Variants in GTF2IRD1 observed in about 807,000 individuals in gnomAD.
GTF2IRD1 encodes general transcription factor II-I repeat domain-containing protein 1.
Under a neutral mutation model 113.2 loss-of-function variants are expected in GTF2IRD1, and 26 were observed. The ratio of observed to expected loss-of-function variants is 0.23; its 90% CI spans 0.17 to 0.32. The LOEUF (loss-of-function observed/expected upper bound fraction) is 0.32. Among genes scored for constraint, GTF2IRD1 ranks in the 10% least tolerant of loss-of-function variants. The probability of loss-of-function intolerance (pLI) is 1.00; values close to 1 mark genes in which losing one functional copy is unlikely to be tolerated. For synonymous variants in GTF2IRD1, 484 were observed against 529.1 expected, an observed-to-expected ratio of 0.91 and a Z score of 1.17; for missense variants, 864 against 1,280.8, an observed-to-expected ratio of 0.67 and a Z score of 4.97.
intron 1 of GTF2IRD1, among the ~76,000 whole-genome samples, chr7:74,496,254 ATG>A (rs782301241): frequency 2.5e-5 from 3 of 122,010 alleles, no homozygotes; most frequent in Non-Finnish European, 3.4e-5. Flanking sequence ...GTGTCTGCAT[ATG>A]TGTGTATGCA....
intron 1 of GTF2IRD1, among the ~76,000 whole-genome samples, chr7:74,470,838 C>T (rs1173528792): frequency 1.3e-5 from 2 of 152,080 alleles, no homozygotes; most frequent in African/African-American, 2.4e-5. Context: ...GAGCCTTGCT[C>T]TCTTGCCCAG....
intron 1 of GTF2IRD1, among the ~76,000 whole-genome samples, chr7:74,495,109 G>A (rs2129680056): frequency 6.6e-6 from 1 of 152,356 alleles, no homozygotes; most frequent in East Asian, 1.9e-4. Flanking sequence ...AGAGAAGAGG[G>A]CCCTGGGGCC....
intron 4 of GTF2IRD1, among the ~76,000 whole-genome samples, chr7:74,516,335 T>A (rs1562824473): frequency 1.3e-5 from 2 of 152,368 alleles, no homozygotes; most frequent in East Asian, 3.9e-4. Context: ...TCTAGCTGTC[T>A]CCAGCCTACA....
At chr7:74,553,038 A>G (rs1431340439) in intron 17 of GTF2IRD1, among the ~76,000 whole-genome samples, 4 of 152,092 alleles carry the variant, frequency 2.6e-5, no homozygotes, top group Non-Finnish European at 4.4e-5. Context: ...GTGTTTCACC[A>G]TGTTGGTCAG....
At chr7:74,549,792 T>C (rs1349847696) in intron 17 of GTF2IRD1, among the ~76,000 whole-genome samples, 4 of 152,060 alleles carry the variant, frequency 2.6e-5, no homozygotes, top group African/African-American at 9.7e-5. Flanking sequence ...TCCCAGCACT[T>C]TGAAAGGCCG....
Position 74,569,427 on chromosome 7 carries a change from G to C in GTF2IRD1, c.2320+9772G>C, listed in dbSNP as rs74325524. Among the ~76,000 whole-genome samples, 311 of 152,312 alleles carry C rather than the reference G, an allele frequency of 2.0e-3. 3 individuals are homozygous for C. The highest frequency in any genetic ancestry group is 6.5e-3 in the African/African-American group (270 of 41,562). Reference sequence around the variant, plus strand: ...CCAAAGCCACTCCCTGGTCTATGCTGTTCTGCGGCCTGAGCCTGGGGTGGC... The same window carrying C: ...CCAAAGCCACTCCCTGGTCTATGCTCTTCTGCGGCCTGAGCCTGGGGTGGC... On this transcript the variant is annotated intron_variant, in intron 22 of 26. Coordinates refer to ENST00000424337, the MANE Select transcript of GTF2IRD1 (RefSeq NM_005685.4).
Position 74,576,181 on chromosome 7 carries a change from A to G in GTF2IRD1, c.2321-13670A>G, listed in dbSNP as rs1801047878. 2.0e-5 allele frequency among the ~76,000 whole-genome samples: 3 copies of G among 151,940 alleles called. No homozygotes were observed. The South Asian group carries it at 6.2e-4, about 32-fold the overall frequency. Reference sequence around the variant, plus strand: ...TCTCAAAAAAATAAATAAATTACCTAAACGTAGTGGCTTCAAACAACACAA... The same window carrying G: ...TCTCAAAAAAATAAATAAATTACCTGAACGTAGTGGCTTCAAACAACACAA... On this transcript the variant is annotated intron_variant, in intron 22 of 26. Transcript: ENST00000424337.
At chr7:74,514,042 G>A (rs1398114433) in intron 3 of GTF2IRD1, among the ~76,000 whole-genome samples, 1 of 152,064 alleles carries the variant, frequency 6.6e-6, no homozygotes, top group Non-Finnish European at 1.5e-5. Flanking sequence ...GAGGTTAAGA[G>A]AACGGGCCGC....
chr7:74,544,778 C>A lies in GTF2IRD1; in HGVS notation c.1642C>A (p.Arg548=), dbSNP rs1360503761. 1.2e-6 allele frequency: 2 copies of A among 1,613,940 alleles called. No homozygotes were observed. Among genetic ancestry groups the A allele is most frequent in the Non-Finnish European group, 1.7e-6 (2 of 1,179,908 alleles). The change falls in exon 15 of 27, where the codon CGG becomes AGG. Residue 548 remains arginine (R), a synonymous_variant. Coordinates refer to ENST00000424337, the MANE Select transcript of GTF2IRD1 (RefSeq NM_005685.4). ...LTDKGLSEDA[R]PEERPVEDSH... ...AGACAAAGGTCTGAGTGAGGACGCG[C>A]GGCCCGAGGAGAGGCCCGTGGAGGG...
chr7:74,542,074 T>G, intron 14 of GTF2IRD1, among the ~76,000 whole-genome samples: 1 of 142,742 alleles, frequency 7.0e-6, no homozygotes, highest in East Asian at 2.1e-4. Flanking sequence ...CCAGTCTGGG[T>G]GCCACAGCAA....
At chr7:74,582,199 C>T (rs782073945) in intron 22 of GTF2IRD1, among the ~76,000 whole-genome samples, 1 of 152,156 alleles carries the variant, frequency 6.6e-6, no homozygotes, top group East Asian at 1.9e-4. Flanking sequence ...CTGTTCAGAT[C>T]GAGACGTTGC....
chr7:74,555,185 T>A lies in GTF2IRD1; in HGVS notation c.1928T>A (p.Leu643His). The change falls in exon 18 of 27, where the codon CTC (leucine) becomes CAC (histidine). Residue 643 changes from leucine to histidine, a missense_variant. Coordinates refer to ENST00000424337, the MANE Select transcript of GTF2IRD1 (RefSeq NM_005685.4). The surrounding 1 kb of genome is among the most constrained non-coding windows in gnomAD (Gnocchi z 5.3). ...CTTGTGTTTTCCAGGCCCGAGCTGC[T>A]CACTGAGGGAGTCAAAGAGCCCATC... ...IQFVIKRPEL[L>H]TEGVKEPIMD... 1 of 1,613,676 alleles carries A rather than the reference T, an allele frequency of 6.2e-7. No homozygotes were observed. Among genetic ancestry groups the A allele is most frequent in the South Asian group, 1.1e-5 (1 of 91,026 alleles).
At chr7:74,477,347 GTT>G (rs148428425) in intron 1 of GTF2IRD1, among the ~76,000 whole-genome samples, 1 of 111,012 alleles carries the variant, frequency 9.0e-6, no homozygotes, top group East Asian at 3.3e-4. Context: ...CTGGGCGACA[GTT>G]TTTTTTTTGT....
chr7:74,520,161 T>A (rs1323342029), intron 6 of GTF2IRD1, among the ~76,000 whole-genome samples: 2 of 121,504 alleles, frequency 1.6e-5, no homozygotes, highest in Non-Finnish European at 3.3e-5. Flanking sequence ...GAGATCCACA[T>A]CACGTGCTAT....
At chr7:74,556,703 A>G (rs1185066976) in intron 19 of GTF2IRD1, among the ~76,000 whole-genome samples, 1 of 144,124 alleles carries the variant, frequency 6.9e-6, no homozygotes, top group Non-Finnish European at 1.5e-5. Context: ...GGCTCACTAC[A>G]ACCTCCACCT....
At chr7:74,482,790 T>C (rs1794815913) in intron 1 of GTF2IRD1, among the ~76,000 whole-genome samples, 1 of 152,174 alleles carries the variant, frequency 6.6e-6, no homozygotes, top group African/African-American at 2.4e-5. Context: ...TCTTTCATCA[T>C]CCTTGCGAGA....
At chr7:74,455,579 A>G (rs1431305963) in intron 1 of GTF2IRD1, among the ~76,000 whole-genome samples, 4 of 152,118 alleles carry the variant, frequency 2.6e-5, no homozygotes, top group Non-Finnish European at 5.9e-5. Context: ...GGCTGCTGGC[A>G]GGGAGGGGCT....
chr7:74,559,686 G>A, intron 22 of GTF2IRD1, 31 bp downstream of exon 22: 1 of 1,571,744 alleles, frequency 6.4e-7, no homozygotes, highest in Non-Finnish European at 8.6e-7. Context: ...AGGGGGCACT[G>A]GGAATAGGGC....
chr7:74,482,158 C>T lies in GTF2IRD1; in HGVS notation c.-6-25917C>T, dbSNP rs539067250. ...GCAGGATTAAAAAGGGACAGTTTTG[C>T]TGTTTGTTTGTTTGTTTTTTTCTGT... On this transcript the variant is annotated intron_variant, in intron 1 of 26. Coordinates refer to ENST00000424337, the MANE Select transcript of GTF2IRD1 (RefSeq NM_005685.4). Among the ~76,000 whole-genome samples, 4 of 150,906 alleles carry T rather than the reference C, an allele frequency of 2.7e-5. No homozygotes were observed. In the East Asian group the frequency reaches 7.8e-4, roughly 29 times the overall value.
Sources: gnomAD v4.1 joint callset for allele counts (sites outside exome capture counted in the v4.1 genomes callset) on GRCh38, gnomAD v4.1.1 for gene constraint, Gnocchi (gnomAD v3.1) non-coding constraint, MANE v1.5 for transcripts, NCBI Gene and HGNC (gene_info 2026-07-23, HGNC 2026-07-21) for gene names.